TAFA2: variants seen among roughly 807,000 people sequenced by gnomAD.
TAFA2 encodes TAFA chemokine like family member 2.
TAFA2 carries 7 observed loss-of-function variants against 18.8 expected under a neutral mutation model. The observed-to-expected ratio is 0.37, with a 90% CI of 0.21 to 0.70. The LOEUF is 0.70. Among genes scored for constraint, TAFA2 ranks in the 30% least tolerant of loss-of-function variants. The probability of loss-of-function intolerance (pLI) is 0.53; values close to 1 mark genes in which losing one functional copy is unlikely to be tolerated. For synonymous variants in TAFA2, 60 were observed against 54.2 expected (o/e 1.11, Z -0.47); for missense variants, 122 against 158.1 (o/e 0.77, Z 1.23).
intron 4 of TAFA2, among the ~76,000 whole-genome samples, chr12:61,713,169 C>T (rs1052777175): frequency 1.3e-5 from 2 of 152,132 alleles, no homozygotes; most frequent in African/African-American, 2.4e-5. Context: ...ACAATGTAGC[C>T]CACTCTTACA....
chr12:61,810,342 C>G (rs890341525), intron 2 of TAFA2, among the ~76,000 whole-genome samples: 2 of 149,094 alleles, frequency 1.3e-5, no homozygotes, highest in Non-Finnish European at 3.0e-5. Context: ...TAAGGAATAT[C>G]TGTAACTTTA....
intron 1 of TAFA2, among the ~76,000 whole-genome samples, chr12:61,927,069 G>GAAAAAAAAAAAAAAAAA (rs56908081): frequency 2.9e-5 from 2 of 69,904 alleles, no homozygotes; most frequent in African/African-American, 5.8e-5. Context: ...GTGAGACTCT[G>GAAAAAAAAAAAAAAAAA]AAAAAAAAAA....
intron 1 of TAFA2, among the ~76,000 whole-genome samples, chr12:62,208,769 C>T (rs555900561): frequency 6.6e-6 from 1 of 152,254 alleles, no homozygotes; most frequent in South Asian, 2.1e-4. Flanking sequence ...ATAGGAAATC[C>T]AGGTCTTTAA....
intron 1 of TAFA2, among the ~76,000 whole-genome samples, chr12:61,955,155 A>C (rs1489611281): frequency 6.6e-6 from 1 of 152,166 alleles, no homozygotes; most frequent in African/African-American, 2.4e-5. Flanking sequence ...TCTGGATTGT[A>C]AACTTACTAG....
At chr12:61,869,215 T>A (rs1322072647) in intron 1 of TAFA2, among the ~76,000 whole-genome samples, 1 of 152,162 alleles carries the variant, frequency 6.6e-6, no homozygotes, top group East Asian at 1.9e-4. Flanking sequence ...TAGATCAGAC[T>A]GTTGGGGTTT....
chr12:62,113,585 C>A (rs991241044), intron 1 of TAFA2, among the ~76,000 whole-genome samples: 1 of 152,306 alleles, frequency 6.6e-6, no homozygotes, highest in East Asian at 1.9e-4. Flanking sequence ...GCTGAAGCTG[C>A]GCCCAGAGCT....
At chr12:61,770,807 A>G (rs1253384692) in intron 2 of TAFA2, among the ~76,000 whole-genome samples, 2 of 152,070 alleles carry the variant, frequency 1.3e-5, no homozygotes, top group Non-Finnish European at 2.9e-5. Context: ...ATTTCACAGA[A>G]CCTACAAAAC....
chr12:62,091,293 T>C lies in TAFA2; in HGVS notation c.-2+99966A>G, dbSNP rs1343743273. Among the ~76,000 whole-genome samples the C allele has an allele frequency of 3.3e-5, 5 of 152,126 alleles. No individual in the cohort carries two copies. The South Asian group carries it at 6.2e-4, about 19-fold the overall frequency. ...AGGCAGTGAATTCCATTTGATGGAA[T>C]TGATGATGTTAAATAACATCATTGC... On this transcript the variant is annotated intron_variant, in intron 1 of 4. Coordinates refer to ENST00000416284, the MANE Select transcript of TAFA2 (RefSeq NM_178539.5).
intron 1 of TAFA2, among the ~76,000 whole-genome samples, chr12:61,926,223 G>T (rs146545802): frequency 0.068 from 10,417 of 152,210 alleles, 471 homozygotes; most frequent in Non-Finnish European, 0.1. Flanking sequence ...ACCAACAAAA[G>T]CCCAGGACCA....
intron 1 of TAFA2, among the ~76,000 whole-genome samples, chr12:62,181,983 A>C (rs1592387140): frequency 1.4e-5 from 2 of 138,060 alleles, no homozygotes; most frequent in Middle Eastern, 3.8e-3. Flanking sequence ...ATCTTTTCTC[A>C]AGTCCATCCC....
chr12:61,752,016 A>C (rs1386695086), intron 4 of TAFA2, among the ~76,000 whole-genome samples: 1 of 152,086 alleles, frequency 6.6e-6, no homozygotes, highest in African/African-American at 2.4e-5. Context: ...TTAAATTATT[A>C]GTACAAAGTA....
At chr12:61,930,883 T>C (rs960419021) in intron 1 of TAFA2, among the ~76,000 whole-genome samples, 3 of 152,214 alleles carry the variant, frequency 2.0e-5, no homozygotes, top group African/African-American at 7.2e-5. Context: ...CTTCCTTTGA[T>C]AGCCTTGATG....
chr12:62,221,072 C>T (rs561777336), intron 1 of TAFA2, among the ~76,000 whole-genome samples: 58 of 151,198 alleles, frequency 3.8e-4, no homozygotes, highest in Middle Eastern at 3.4e-3. Flanking sequence ...CCACTGCACT[C>T]CAGCCTGAGC....
At chr12:61,913,133 G>C (rs111624318) in intron 1 of TAFA2, among the ~76,000 whole-genome samples, 3,303 of 152,170 alleles carry the variant, frequency 0.022, 38 homozygotes, top group Non-Finnish European at 0.034. Context: ...TCTCAGTTTT[G>C]AGGCTATAGG....
chr12:62,045,194 T>C (rs777840694), intron 1 of TAFA2, among the ~76,000 whole-genome samples: 5 of 152,132 alleles, frequency 3.3e-5, no homozygotes, highest in Non-Finnish European at 7.4e-5. Context: ...TATAAATCCA[T>C]ACAATTAAAT....
At chr12:61,994,725 T>G (rs941194403) in intron 1 of TAFA2, among the ~76,000 whole-genome samples, 20 of 152,304 alleles carry the variant, frequency 1.3e-4, no homozygotes, top group African/African-American at 4.3e-4. Flanking sequence ...TTTGACACAG[T>G]TGTCCACTCA....
intron 1 of TAFA2, among the ~76,000 whole-genome samples, chr12:61,950,519 A>G (rs1239757925): frequency 1.3e-5 from 2 of 152,058 alleles, no homozygotes; most frequent in Non-Finnish European, 2.9e-5. Flanking sequence ...TAGTGATGTT[A>G]AGCATTTTTT....
chr12:62,225,398 A>T (rs921440315), intron 1 of TAFA2, among the ~76,000 whole-genome samples: 5 of 152,206 alleles, frequency 3.3e-5, no homozygotes, highest in African/African-American at 9.7e-5. Context: ...AATAAATCAT[A>T]AAGAAGCTAT....
At chr12:61,926,152 C>G (rs1347073189) in intron 1 of TAFA2, among the ~76,000 whole-genome samples, 1 of 149,764 alleles carries the variant, frequency 6.7e-6, no homozygotes, top group Non-Finnish European at 1.5e-5. Flanking sequence ...CTAAACAAGT[C>G]AAATCCCTGA....
Sources: gnomAD v4.1 joint callset for allele counts (sites outside exome capture counted in the v4.1 genomes callset) on GRCh38, gnomAD v4.1.1 for gene constraint, MANE v1.5 for transcripts, NCBI Gene and HGNC (gene_info 2026-07-23, HGNC 2026-07-21) for gene names.